NFAM1: variants seen among roughly 807,000 people sequenced by gnomAD.
NFAM1 encodes NFAT activation molecule 1.
In NFAM1, 17 loss-of-function variants were observed where a neutral mutation model predicts 29.0. The observed-to-expected ratio is 0.59, with a 90% CI of 0.40 to 0.88. The LOEUF is 0.88. Ranked by LOEUF, NFAM1 falls within the 40% of genes least tolerant of loss-of-function variation. NFAM1 has a pLI of 0.00. For missense variants in NFAM1, 324 were observed against 344.6 expected (o/e 0.94, Z 0.47); for synonymous variants, 175 against 147.2 (o/e 1.19, Z -1.36).
intron 3 of NFAM1, among the ~76,000 whole-genome samples, chr22:42,405,973 C>A (rs73886085): frequency 0.028 from 4,256 of 152,160 alleles, 203 homozygotes; most frequent in African/African-American, 0.099. Context: ...ATGCTTTTTT[C>A]GTACCTCAGA....
At chr22:42,417,990 A>G (rs1416826415) in intron 1 of NFAM1, among the ~76,000 whole-genome samples, 1 of 152,214 alleles carries the variant, frequency 6.6e-6, no homozygotes, top group Non-Finnish European at 1.5e-5. Context: ...ATCCCTGCTT[A>G]GTCTGCCCAC....
intron 1 of NFAM1, among the ~76,000 whole-genome samples, chr22:42,431,511 C>A (rs1930795438): frequency 6.6e-6 from 1 of 152,128 alleles, no homozygotes; most frequent in South Asian, 2.1e-4. Flanking sequence ...TGCTGGCAGC[C>A]CTGGAATGGG....
At chr22:42,395,489 T>C (rs1929489751) in intron 4 of NFAM1, among the ~76,000 whole-genome samples, 3 of 147,306 alleles carry the variant, frequency 2.0e-5, no homozygotes, top group African/African-American at 7.5e-5. Context: ...AAAAAAATAA[T>C]AATAAATATA....
chr22:42,410,928 C>A (rs576496347), intron 2 of NFAM1, among the ~76,000 whole-genome samples: 1 of 152,214 alleles, frequency 6.6e-6, no homozygotes, highest in African/African-American at 2.4e-5. Context: ...GGAGCCCTGG[C>A]ACAGCCGTAG....
intron 4 of NFAM1, 53 bp downstream of exon 4, chr22:42,397,805 A>G: frequency 1.0e-6 from 1 of 985,270 alleles, no homozygotes; most frequent in Non-Finnish European, 1.6e-6. Context: ...TACAAGACAG[A>G]CTCTGCCTAA....
intron 4 of NFAM1, among the ~76,000 whole-genome samples, chr22:42,396,969 A>G (rs1929550045): frequency 8.7e-6 from 1 of 114,830 alleles, no homozygotes; most frequent in Non-Finnish European, 1.9e-5. Context: ...TGCACCTGGG[A>G]ACCTGCAGGG....
chr22:42,431,403 C>A (rs1293906163), intron 1 of NFAM1, among the ~76,000 whole-genome samples: 1 of 152,226 alleles, frequency 6.6e-6, no homozygotes, highest in Non-Finnish European at 1.5e-5. Context: ...GGCACCCTGT[C>A]TCCACAGTGG....
At chr22:42,407,627 C>T (rs111283163) in intron 3 of NFAM1, among the ~76,000 whole-genome samples, 4,259 of 152,128 alleles carry the variant, frequency 0.028, 203 homozygotes, top group African/African-American at 0.099. Context: ...CTCCCTCTGT[C>T]GCTCAGGCTG....
chr22:42,434,337 A>G (rs529300764), upstream of NFAM1, among the ~76,000 whole-genome samples: 84 of 152,206 alleles, frequency 5.5e-4, 1 homozygote, highest in African/African-American at 1.9e-3. Context: ...GCTGGTGCAC[A>G]AGAGGCCTCA....
chr22:42,390,508 G>GTA lies in NFAM1; in HGVS notation c.664-3432_664-3431dup, dbSNP rs550961937. On this transcript the variant is annotated intron_variant, in intron 4 of 5. Coordinates refer to ENST00000329021, the MANE Select transcript of NFAM1 (RefSeq NM_145912.8). ...TGCTGCACTGAAAGGTCCCATGAGG[G>GTA]TAGAGAGCTGAAAGAATGAGGGAGC... is the stretch of plus-strand genomic sequence containing the variant. Among the ~76,000 whole-genome samples the GTA allele has an allele frequency of 1.7e-4, 26 of 152,192 alleles. No homozygotes were observed. The East Asian group carries it at 4.8e-3, about 28-fold the overall frequency.
At position 42,398,057 on chromosome 22, in the gene NFAM1, A is replaced by C. The variant is rs1010305687; in HGVS notation, c.565-101T>G. 4.9e-5 allele frequency: 31 copies of C among 635,346 alleles called. No individual in the cohort carries two copies. The African/African-American group carries it at 5.4e-4, about 11-fold the overall frequency. 39.4% of individuals were successfully genotyped at this position (635,346 alleles called of 1,614,324 possible). A position where few individuals can be genotyped will look rare whatever the true frequency, so the allele number is the denominator to read the frequency against. ...GGATGGCAGATTGTCATGAGGTCAC[A>C]CAGAGATTCATCACTCAGTCCCTCC... On this transcript the variant is annotated intron_variant, in intron 3 of 5. Coordinates refer to ENST00000329021, the MANE Select transcript of NFAM1 (RefSeq NM_145912.8).
At chr22:42,395,475 T>A in intron 4 of NFAM1, among the ~76,000 whole-genome samples, 1 of 142,902 alleles carries the variant, frequency 7.0e-6, no homozygotes, top group Non-Finnish European at 1.5e-5. Flanking sequence ...AGACTCTGTC[T>A]CAAAAAAAAA....
At chr22:42,437,720 C>A in the NFAM1 span, among the ~76,000 whole-genome samples, 1 of 152,202 alleles carries the variant, frequency 6.6e-6, no homozygotes, top group African/African-American at 2.4e-5. Flanking sequence ...CTTCTTCCCC[C>A]TCTAGGGGTC....
chr22:42,409,449 G>T lies in NFAM1; in HGVS notation c.550C>A (p.Leu184Met). The T allele has an allele frequency of 6.7e-7, 1 of 1,503,104 alleles. No individual in the cohort carries two copies. The highest frequency in any genetic ancestry group is 8.9e-7 in the Non-Finnish European group (1 of 1,119,294). 93.1% of individuals were successfully genotyped at this position (1,503,104 alleles called of 1,614,324 possible). ...SVLSVVGTAL[L>M]LWNKKRMRGP... Reference sequence around the variant, plus strand: ...TGATCCCGTACCTTGTTCCAGAGCAGCAGGGCCGTGCCCACTACACTCAGG... The same window carrying T: ...TGATCCCGTACCTTGTTCCAGAGCATCAGGGCCGTGCCCACTACACTCAGG... Residue 184 changes from leucine (L) to methionine (M), a missense_variant, in exon 3 of 6, where the codon CTG becomes ATG. Transcript: ENST00000329021. This position sits in a 1 kb window ranked among gnomAD's most constrained non-coding sequence, Gnocchi z 4.9.
At chr22:42,385,896 C>T (rs911903099) in intron 5 of NFAM1, among the ~76,000 whole-genome samples, 5 of 152,216 alleles carry the variant, frequency 3.3e-5, no homozygotes, top group Admixed American at 2.0e-4. Flanking sequence ...GGCGCCCGCA[C>T]TCCCTGACAG....
chr22:42,386,901 C>T, intron 5 of NFAM1, 88 bp downstream of exon 5: 1 of 715,582 alleles, frequency 1.4e-6, no homozygotes, highest in Non-Finnish European at 2.3e-6. Flanking sequence ...TGGCTCACTT[C>T]CATGTCCCAT....
At chr22:42,426,966 G>A (rs1930643796) in intron 1 of NFAM1, among the ~76,000 whole-genome samples, 1 of 152,138 alleles carries the variant, frequency 6.6e-6, no homozygotes, top group Admixed American at 6.5e-5. Context: ...CTGGGAGGAT[G>A]CTGAGCACCC....
In NFAM1 at chr22:42,388,144, C is replaced by T. The variant is rs551802525; in HGVS notation, c.664-1066G>A. On this transcript the variant is annotated intron_variant, in intron 4 of 5. Coordinates refer to ENST00000329021, the MANE Select transcript of NFAM1 (RefSeq NM_145912.8). This position sits in a 1 kb window ranked among gnomAD's most constrained non-coding sequence, Gnocchi z 4.1. ...CAGCTAAGAAAGGCCTAGCCAGAGACCTCAGGATGGTAGAAAGAACCGGGG... is the reference window on the plus strand; with the variant it reads ...CAGCTAAGAAAGGCCTAGCCAGAGATCTCAGGATGGTAGAAAGAACCGGGG... 3.3e-5 allele frequency among the ~76,000 whole-genome samples: 5 copies of T among 152,348 alleles called. No individual in the cohort carries two copies. The highest frequency in any genetic ancestry group is 3.3e-4 in the Admixed American group (5 of 15,304).
At chr22:42,423,236 G>A (rs1930508245) in intron 1 of NFAM1, among the ~76,000 whole-genome samples, 1 of 152,192 alleles carries the variant, frequency 6.6e-6, no homozygotes, top group Non-Finnish European at 1.5e-5. Flanking sequence ...CACCAGGAAG[G>A]GAGCTGACAG....
Sources: gnomAD v4.1 joint callset for allele counts (sites outside exome capture counted in the v4.1 genomes callset) on GRCh38, gnomAD v4.1.1 for gene constraint, Gnocchi (gnomAD v3.1) non-coding constraint, MANE v1.5 for transcripts, NCBI Gene and HGNC (gene_info 2026-07-23, HGNC 2026-07-21) for gene names.